Variants in CSMD1 observed in about 807,000 individuals in gnomAD.
The protein encoded by CSMD1 is CUB and Sushi multiple domains 1.
Under a neutral mutation model 417.5 loss-of-function variants are expected in CSMD1, and 213 were observed. That is an observed-to-expected ratio of 0.51 (90% CI 0.46 to 0.57). The LOEUF (loss-of-function observed/expected upper bound fraction) is 0.57. Among genes scored for constraint, CSMD1 ranks in the 20% least tolerant of loss-of-function variants. The pLI, the probability that CSMD1 is intolerant of heterozygous loss-of-function variation, is 0.00. For missense variants in CSMD1, 6,923 were observed against 4,529.7 expected (o/e 1.53, Z -15.17); for synonymous variants, 2,862 against 1,736.8 (o/e 1.65, Z -16.11).
At chr8:4,147,656 T>A (rs942845332) in intron 3 of CSMD1, among the ~76,000 whole-genome samples, 1 of 152,172 alleles carries the variant, frequency 6.6e-6, no homozygotes, top group Non-Finnish European at 1.5e-5. Flanking sequence ...CTCTGAGTGC[T>A]GGCTCATGGG....
At chr8:4,773,281 T>A (rs904353393) in intron 1 of CSMD1, among the ~76,000 whole-genome samples, 3 of 152,222 alleles carry the variant, frequency 2.0e-5, no homozygotes, top group African/African-American at 7.2e-5. Flanking sequence ...ATACTCAATC[T>A]ACACCAAGCT....
At chr8:3,353,823 A>G (rs925819935) in intron 21 of CSMD1, among the ~76,000 whole-genome samples, 9 of 152,260 alleles carry the variant, frequency 5.9e-5, no homozygotes, top group African/African-American at 1.9e-4. Flanking sequence ...AATGTTAACT[A>G]TAATTGAATT....
chr8:4,944,432 T>C (rs1376539710), intron 1 of CSMD1, among the ~76,000 whole-genome samples: 1 of 152,200 alleles, frequency 6.6e-6, no homozygotes, highest in East Asian at 1.9e-4. Context: ...CTTTTTGAGA[T>C]ATAATTTTCA....
At chr8:4,100,666 TGC>T (rs999327867) in intron 3 of CSMD1, among the ~76,000 whole-genome samples, 7 of 152,092 alleles carry the variant, frequency 4.6e-5, no homozygotes, top group Non-Finnish European at 8.8e-5. Context: ...GGAAAAAGGG[TGC>T]TGAAATTGCC....
At chr8:3,877,821 T>C (rs1453396642) in intron 5 of CSMD1, among the ~76,000 whole-genome samples, 1 of 152,238 alleles carries the variant, frequency 6.6e-6, no homozygotes, top group African/African-American at 2.4e-5. Flanking sequence ...AGATTGTATA[T>C]TTATAGAACT....
At chr8:4,878,442 T>C (rs534649065) in intron 1 of CSMD1, among the ~76,000 whole-genome samples, 5 of 152,056 alleles carry the variant, frequency 3.3e-5, no homozygotes, top group Non-Finnish European at 7.4e-5. Flanking sequence ...AATGTCCTTG[T>C]GGGTTTTTTG....
At chr8:3,798,538 T>C (rs1024648528) in intron 5 of CSMD1, among the ~76,000 whole-genome samples, 2 of 152,086 alleles carry the variant, frequency 1.3e-5, no homozygotes, top group Non-Finnish European at 2.9e-5. Flanking sequence ...AAAGATCATA[T>C]GAAAACACTT....
chr8:4,615,606 C>T (rs1212050036), intron 2 of CSMD1, among the ~76,000 whole-genome samples: 5 of 152,054 alleles, frequency 3.3e-5, no homozygotes, highest in African/African-American at 9.7e-5. Context: ...GCAAAAGAGG[C>T]GCTATAGCCA....
chr8:3,129,189 G>C (rs1248231199), intron 41 of CSMD1, among the ~76,000 whole-genome samples: 2 of 152,112 alleles, frequency 1.3e-5, no homozygotes, highest in Admixed American at 6.6e-5. Context: ...TCCAGACTCT[G>C]CTATTGCAGG....
rs535004659 is a variant in CSMD1 at position 3,505,192 on chromosome 8, G to C, written c.1345-11466C>G. 2.0e-5 allele frequency among the ~76,000 whole-genome samples: 3 copies of C among 152,162 alleles called. No homozygotes were observed. In the South Asian group the frequency reaches 6.2e-4, roughly 32 times the overall value. On this transcript the variant is annotated intron_variant, in intron 10 of 69. Coordinates refer to ENST00000635120, the MANE Select transcript of CSMD1 (RefSeq NM_033225.6). Reference sequence around the variant, plus strand: ...GTAGAGTAAGTATTAAAAAATGAGAGACTGGGAATGTAAAAGTCGCAATGC... The same window carrying C: ...GTAGAGTAAGTATTAAAAAATGAGACACTGGGAATGTAAAAGTCGCAATGC...
At chr8:3,448,379 G>A (rs1441274415) in intron 12 of CSMD1, among the ~76,000 whole-genome samples, 14 of 42,984 alleles carry the variant, frequency 3.3e-4, no homozygotes, top group African/African-American at 3.8e-4. Context: ...GGAAGGGAGG[G>A]GGAGGAGGGA....
At chr8:4,457,404 T>G (rs886656383) in intron 2 of CSMD1, among the ~76,000 whole-genome samples, 1 of 152,070 alleles carries the variant, frequency 6.6e-6, no homozygotes, top group African/African-American at 2.4e-5. Flanking sequence ...AAGGGAATGT[T>G]TACTAAACTC....
At chr8:3,025,155 T>TGTGTATTGTGTGGTGTTATTCTGAAACC (rs1809767706) in intron 51 of CSMD1, among the ~76,000 whole-genome samples, 1 of 147,020 alleles carries the variant, frequency 6.8e-6, no homozygotes, top group Non-Finnish European at 1.5e-5. Context: ...ATTCTGAAAC[T>TGTGTATTGTGTGGTGTTATTCTGAAACC]GTGTATTGTG....
At chr8:3,118,065 T>C (rs1246804668) in intron 42 of CSMD1, among the ~76,000 whole-genome samples, 5 of 152,208 alleles carry the variant, frequency 3.3e-5, no homozygotes, top group African/African-American at 1.2e-4. Context: ...ATAACCACTG[T>C]AAAGCTGAAC....
At chr8:3,661,298 CA>C (rs1384867026) in intron 7 of CSMD1, among the ~76,000 whole-genome samples, 2 of 152,154 alleles carry the variant, frequency 1.3e-5, no homozygotes, top group Non-Finnish European at 2.9e-5. Flanking sequence ...GCTGAGCGTT[CA>C]AACTGTGCTC....
intron 49 of CSMD1, among the ~76,000 whole-genome samples, chr8:3,085,420 G>A (rs1309352480): frequency 6.6e-6 from 1 of 152,076 alleles, no homozygotes; most frequent in Non-Finnish European, 1.5e-5. Context: ...GTTATTTATT[G>A]CCAAGAATAA....
chr8:4,445,944 A>T (rs1304553655), intron 2 of CSMD1, among the ~76,000 whole-genome samples: 1 of 152,108 alleles, frequency 6.6e-6, no homozygotes, highest in Non-Finnish European at 1.5e-5. Flanking sequence ...GAGAAAAAGT[A>T]TTTCGGTGTT....
At position 4,921,864 on chromosome 8, in the gene CSMD1, C is replaced by A. The variant is rs116693918; in HGVS notation, c.85+72468G>T. Reference sequence around the variant, plus strand: ...ACGTTACTCAATCTGAGAGAAAACCCAAGAGTGACTGTATTCACTCAGAAT... The same window carrying A: ...ACGTTACTCAATCTGAGAGAAAACCAAAGAGTGACTGTATTCACTCAGAAT... On this transcript the variant is annotated intron_variant, in intron 1 of 69. Coordinates refer to ENST00000635120, the MANE Select transcript of CSMD1 (RefSeq NM_033225.6). 5.1e-3 allele frequency among the ~76,000 whole-genome samples: 776 copies of A among 152,236 alleles called. 7 individuals carry two copies. The highest frequency in any genetic ancestry group is 0.018 in the African/African-American group (743 of 41,554).
intron 12 of CSMD1, among the ~76,000 whole-genome samples, chr8:3,464,410 G>T (rs543901345): frequency 2.0e-5 from 3 of 152,052 alleles, no homozygotes; most frequent in East Asian, 1.9e-4. Context: ...TGAGCATAGG[G>T]ATTTTTCTTT....
Sources: gnomAD v4.1 joint callset for allele counts (sites outside exome capture counted in the v4.1 genomes callset) on GRCh38, gnomAD v4.1.1 for gene constraint, MANE v1.5 for transcripts, NCBI Gene and HGNC (gene_info 2026-07-23, HGNC 2026-07-21) for gene names.